TBKBP1: variants seen among roughly 807,000 people sequenced by gnomAD.
TBKBP1 encodes TBK1 binding protein 1.
Under a neutral mutation model 69.9 loss-of-function variants are expected in TBKBP1, and 47 were observed. That is an observed-to-expected ratio of 0.67 (90% CI 0.53 to 0.86). The LOEUF (loss-of-function observed/expected upper bound fraction) is 0.86. Among genes scored for constraint, TBKBP1 ranks in the 40% least tolerant of loss-of-function variants. The pLI, the probability that TBKBP1 is intolerant of heterozygous loss-of-function variation, is 0.00. For synonymous variants in TBKBP1, 418 were observed against 390.3 expected (o/e 1.07, Z -0.84); for missense variants, 831 against 858.6 (o/e 0.97, Z 0.40).
intron 2 of TBKBP1, 59 bp downstream of exon 2, chr17:47,696,396 GA>G: frequency 6.4e-7 from 1 of 1,551,786 alleles, no homozygotes; most frequent in Admixed American, 1.7e-5. Flanking sequence ...GGGGGACTGG[GA>G]ATCTGGTAGA....
chr17:47,709,061 C>A lies in TBKBP1; in HGVS notation c.1328C>A (p.Ala443Asp), dbSNP rs1434894630. Residue 443 changes from alanine to aspartate, a missense_variant, in exon 9 of 10, where the codon GCC (alanine) becomes GAC (aspartate). Physicochemically the swap from Ala to Asp is moderately radical, Grantham distance 126 (BLOSUM62 -2). Coordinates refer to ENST00000578982, the MANE Select transcript of TBKBP1 (RefSeq NM_001394755.1). ...PPGERTLAER[A>D]YAKPPSHHVK... ...GGCGAGAGGACGCTGGCCGAGCGCG[C>A]CTACGCCAAGCCGCCCAGCCACCAC... The A allele has an allele frequency of 5.2e-6, 7 of 1,344,666 alleles. No individual in the cohort carries two copies. The highest frequency in any genetic ancestry group is 6.7e-6 in the Non-Finnish European group (7 of 1,050,744). 83.3% of individuals were successfully genotyped at this position (1,344,666 alleles called of 1,614,324 possible). A position where few individuals can be genotyped will look rare whatever the true frequency, so the allele number is the denominator to read the frequency against.
chr17:47,708,118 G>C lies in TBKBP1; in HGVS notation c.873-276G>C, dbSNP rs962280242. The stretch of plus-strand genomic sequence containing the variant: ...TGATGCAGGGATTCAGGGAGCCCTT[G>C]GAATCTCTCTGCTCCCTGTCCCTGC... On this transcript the variant is annotated intron_variant, in intron 7 of 9. Coordinates refer to ENST00000578982, the MANE Select transcript of TBKBP1 (RefSeq NM_001394755.1). This position sits in a 1 kb window ranked among gnomAD's most constrained non-coding sequence, Gnocchi z 4.4. Among the ~76,000 whole-genome samples the C allele has an allele frequency of 2.0e-5, 3 of 152,216 alleles. No individual in the cohort carries two copies. The highest frequency in any genetic ancestry group is 4.4e-5 in the Non-Finnish European group (3 of 68,046).
At chr17:47,710,354 A>T in intron 9 of TBKBP1, 144 bp from the exon 10 acceptor site, 1 of 1,067,890 alleles carries the variant, frequency 9.4e-7, no homozygotes, top group Non-Finnish European at 1.3e-6. Flanking sequence ...GGTGTGGGGG[A>T]GGACGGTGCT....
In TBKBP1 at chr17:47,710,723, C is replaced by T; in HGVS notation, c.*97C>T. On this transcript the variant is annotated 3_prime_UTR_variant, in exon 10 of 10. Coordinates refer to ENST00000578982, the MANE Select transcript of TBKBP1 (RefSeq NM_001394755.1). ...CATGAATCTCGTGGGGGGTCCCTGCCCTTGCGACCCCCAGATACCTCCACT... is the reference window on the plus strand; with the variant it reads ...CATGAATCTCGTGGGGGGTCCCTGCTCTTGCGACCCCCAGATACCTCCACT... The T allele has an allele frequency of 2.0e-6, 3 of 1,480,678 alleles. No homozygotes were observed. Among genetic ancestry groups the T allele is most frequent in the Non-Finnish European group, 2.7e-6 (3 of 1,096,744 alleles). The allele number at this position is 1,480,678 out of a possible 1,614,324, so 91.7% of individuals were successfully genotyped here.
Position 47,710,478 on chromosome 17 carries a change from ACTTC to A in TBKBP1, c.1720-15_1720-12del, listed in dbSNP as rs747792213. 26 of 1,596,742 alleles carry A rather than the reference ACTTC, an allele frequency of 1.6e-5. No individual in the cohort carries two copies. The highest frequency in any genetic ancestry group is 2.1e-5 in the Non-Finnish European group (25 of 1,166,918). Reference sequence around the variant, plus strand: ...GGGTGGGGGCTGGGGACCATAAGTGACTTCCTTCTCTCTCGACAGTTGCTGATGG... The same window carrying A: ...GGGTGGGGGCTGGGGACCATAAGTGACTTCTCTCTCGACAGTTGCTGATGG... On this transcript the variant is annotated splice_polypyrimidine_tract_variant and intron_variant, in intron 9 of 9. Coordinates refer to ENST00000578982, the MANE Select transcript of TBKBP1 (RefSeq NM_001394755.1).
chr17:47,704,425 C>T lies in TBKBP1; in HGVS notation c.873-3969C>T, dbSNP rs373830830. Among the ~76,000 whole-genome samples, 129 of 152,348 alleles carry T rather than the reference C, an allele frequency of 8.5e-4. 2 individuals are homozygous for T. The South Asian group carries it at 0.022, about 26-fold the overall frequency. On this transcript the variant is annotated intron_variant, in intron 7 of 9. Coordinates refer to ENST00000578982, the MANE Select transcript of TBKBP1 (RefSeq NM_001394755.1). ...GGCCCGGTGCCTGTGGTCCCCTCCC[C>T]GAGGGTCGGGCGGGAAGACTGATGC...
chr17:47,708,989 C>T lies in TBKBP1; in HGVS notation c.1256C>T (p.Pro419Leu). The T allele has an allele frequency of 8.9e-7, 1 of 1,127,280 alleles. No individual in the cohort carries two copies. The highest frequency in any genetic ancestry group is 1.1e-6 in the Non-Finnish European group (1 of 921,766). The allele number at this position is 1,127,280 out of a possible 1,614,324, so 69.8% of individuals were successfully genotyped here. ...CCGCAGCGCCGTTCCCCGGTGCCCC[C>T]CAGCTGCCCGGCCCCGCAGCCCCGG... ...PSPQRRSPVP[P>L]SCPAPQPRPP... Residue 419 changes from proline to leucine, a missense_variant, in exon 9 of 10, where the codon CCC becomes CTC. By Grantham distance (98) the Pro-to-Leu change is moderately conservative (BLOSUM62 -3). Transcript: ENST00000578982. This position sits in a 1 kb window ranked among gnomAD's most constrained non-coding sequence, Gnocchi z 4.4.
rs1179290758 is a variant in TBKBP1 at position 47,698,649 on chromosome 17, C to T, written c.508C>T (p.Arg170Trp). 16 of 1,602,090 alleles carry T rather than the reference C, an allele frequency of 1.0e-5. No homozygotes were observed. Among genetic ancestry groups the T allele is most frequent in the East Asian group, 2.3e-5 (1 of 44,280 alleles). The change falls in exon 5 of 10, where the codon CGG (arginine) becomes TGG (tryptophan). Residue 170 changes from arginine (R) to tryptophan (W), a missense_variant. Transcript: ENST00000578982. ...GATCTGTGGTTTGGAGCAGCAGCTG[C>T]GGCAACAGCAAGGCCTCCAGGATGC... is the stretch of plus-strand genomic sequence containing the variant. ...RQICGLEQQL[R>W]QQQGLQDAAF... is the part of the protein sequence containing the mutation.
intron 1 of TBKBP1, among the ~76,000 whole-genome samples, chr17:47,694,981 A>T (rs143253970): frequency 6.6e-6 from 1 of 151,314 alleles, no homozygotes; most frequent in Non-Finnish European, 1.5e-5. Context: ...GTCTGAACTC[A>T]CAGCTCCCTG....
In TBKBP1 at chr17:47,697,143, G is replaced by A. The variant is rs370229243; in HGVS notation, c.403G>A (p.Glu135Lys). Residue 135 changes from glutamate (E) to lysine (K), a missense_variant, in exon 4 of 10, where the codon GAG becomes AAG. Transcript: ENST00000578982. ...GCTTGGAGAGATGATCCAGGCCTAC[G>A]AGAAACTCTGCGTGGAGAAGAGTGA... ...EQLGEMIQAY[E>K]KLCVEKSDLE... 11 of 1,613,158 alleles carry A rather than the reference G, an allele frequency of 6.8e-6. No individual in the cohort carries two copies. The East Asian group carries it at 8.9e-5, about 13-fold the overall frequency.
At chr17:47,699,776 G>T in intron 7 of TBKBP1, 79 bp downstream of exon 7, 1 of 1,550,724 alleles carries the variant, frequency 6.4e-7, no homozygotes, top group Non-Finnish European at 8.9e-7. Context: ...TGTGGTGTCT[G>T]GGCTGCTGTT....
intron 7 of TBKBP1, among the ~76,000 whole-genome samples, chr17:47,707,261 G>C (rs540150408): frequency 6.6e-6 from 1 of 152,348 alleles, no homozygotes; most frequent in East Asian, 1.9e-4. Context: ...GGCCGTGCAG[G>C]CCACAGTGGG....
rs1397798215 is a variant in TBKBP1 at position 47,708,660 on chromosome 17, G to A, written c.992-65G>A. On this transcript the variant is annotated intron_variant, in intron 8 of 9. Transcript: ENST00000578982. This position sits in a 1 kb window ranked among gnomAD's most constrained non-coding sequence, Gnocchi z 4.4. ...GCATGGGTCCGGGCAAGCCCCTGGC[G>A]CTCCAGTTCTGAGGTCTTCTCTCTG... 12 of 1,446,342 alleles carry A rather than the reference G, an allele frequency of 8.3e-6. No individual in the cohort carries two copies. In the East Asian group the frequency reaches 9.9e-5, roughly 12 times the overall value. The allele number at this position is 1,446,342 out of a possible 1,614,324, so 89.6% of individuals were successfully genotyped here.
chr17:47,698,677 C>G lies in TBKBP1; in HGVS notation c.536C>G (p.Ala179Gly), dbSNP rs774088980. ...CAACAGCAAGGCCTCCAGGATGCAG[C>G]CTTCTCCAACCTGAGCCCACCGCCA... ...LRQQQGLQDA[A>G]FSNLSPPPAP... The change falls in exon 5 of 10, where the codon GCC becomes GGC. Residue 179 changes from alanine (A) to glycine (G), a missense_variant. Physicochemically the swap from Ala to Gly is moderately conservative, Grantham distance 60. Coordinates refer to ENST00000578982, the MANE Select transcript of TBKBP1 (RefSeq NM_001394755.1). The G allele has an allele frequency of 8.1e-6, 13 of 1,604,226 alleles. No homozygotes were observed. In the South Asian group the frequency reaches 1.5e-4, roughly 18 times the overall value.
intron 4 of TBKBP1, 32 bp downstream of exon 4, chr17:47,697,225 A>T: frequency 6.3e-7 from 1 of 1,583,286 alleles, no homozygotes; most frequent in Non-Finnish European, 8.6e-7. Flanking sequence ...GTGCTTGAGG[A>T]TGTGTAGCTG....
chr17:47,708,812 G>A lies in TBKBP1; in HGVS notation c.1079G>A (p.Cys360Tyr). Residue 360 changes from cysteine (C) to tyrosine (Y), a missense_variant, in exon 9 of 10, where the codon TGC becomes TAC. Cys to Tyr is a radical substitution (Grantham distance 194). Transcript: ENST00000578982. This position sits in a 1 kb window ranked among gnomAD's most constrained non-coding sequence, Gnocchi z 4.4. ...CCGCCTGCCCGAGCGGCTCCCCCGT[G>A]CCCCCCGTGCCAGTCCCCCGTCCCC... is the stretch of plus-strand genomic sequence containing the variant. The part of the protein sequence containing the change: ...PSPPARAAPP[C>Y]PPCQSPVPQR... 1 of 838,348 alleles carries A rather than the reference G, an allele frequency of 1.2e-6. No individual in the cohort carries two copies. The allele number at this position is 838,348 out of a possible 1,614,324, so 51.9% of individuals were successfully genotyped here.
At chr17:47,700,250 A>C in intron 7 of TBKBP1, among the ~76,000 whole-genome samples, 1 of 144,034 alleles carries the variant, frequency 6.9e-6, no homozygotes, top group Non-Finnish European at 1.5e-5. Context: ...CGGCCTCCCA[A>C]AGTGCTGGGA....
chr17:47,709,196 A>C lies in TBKBP1; in HGVS notation c.1463A>C (p.Lys488Thr). ...CAGGCCGAAGCGGCCACTCTCCCCA[A>C]GCCCCGGGCCTACGGCAGCGAGCTC... ...WLQAEAATLP[K>T]PRAYGSELYG... The change falls in exon 9 of 10, where the codon AAG becomes ACG. Residue 488 changes from lysine to threonine, a missense_variant. By Grantham distance (78) the Lys-to-Thr change is moderately conservative. Transcript: ENST00000578982. The C allele has an allele frequency of 6.6e-7, 1 of 1,506,384 alleles. No homozygotes were observed. The highest frequency in any genetic ancestry group is 8.8e-7 in the Non-Finnish European group (1 of 1,136,684). 93.3% of individuals were successfully genotyped at this position (1,506,384 alleles called of 1,614,324 possible). A position where few individuals can be genotyped will look rare whatever the true frequency, so the allele number is the denominator to read the frequency against.
intron 7 of TBKBP1, 76 bp downstream of exon 7, chr17:47,699,773 T>G: frequency 1.3e-6 from 2 of 1,558,262 alleles, no homozygotes; most frequent in Non-Finnish European, 1.8e-6. Context: ...GGGTGTGGTG[T>G]CTGGGCTGCT....
Sources: gnomAD v4.1 joint callset for allele counts (sites outside exome capture counted in the v4.1 genomes callset) on GRCh38, gnomAD v4.1.1 for gene constraint, Gnocchi (gnomAD v3.1) non-coding constraint, MANE v1.5 for transcripts, NCBI Gene and HGNC (gene_info 2026-07-23, HGNC 2026-07-21) for gene names.